ABCA12: variants seen among roughly 807,000 people sequenced by gnomAD.
ABCA12 encodes ATP binding cassette subfamily A member 12.
In ABCA12, 156 loss-of-function variants were observed where a neutral mutation model predicts 293.5. The ratio of observed to expected loss-of-function variants is 0.53; its 90% CI spans 0.47 to 0.61. The LOEUF (loss-of-function observed/expected upper bound fraction) is 0.61, where lower values mean the gene tolerates loss of function less well. Among genes scored for constraint, ABCA12 ranks in the 20% least tolerant of loss-of-function variants. The pLI, the probability that ABCA12 is intolerant of heterozygous loss-of-function variation, is 0.00. For missense variants in ABCA12, 2,797 were observed against 3,090.2 expected (o/e 0.91, Z 2.25); for synonymous variants, 1,063 against 1,108.0 (o/e 0.96, Z 0.81).
chr2:215,046,644 T>TA (rs947006202), intron 6 of ABCA12, among the ~76,000 whole-genome samples: 1 of 140,962 alleles, frequency 7.1e-6, no homozygotes, highest in Non-Finnish European at 1.5e-5. Context: ...CCAATTTTGT[T>TA]AAAAAAACAA....
rs1360742901 is a variant in ABCA12, at chr2:214,974,077, A to T, written c.5469-35T>A. 6 of 1,556,626 alleles carry T rather than the reference A, an allele frequency of 3.9e-6. No homozygotes were observed. In the East Asian group the frequency reaches 1.3e-4, roughly 35 times the overall value. ...AAAATGATATTGCTGTGAGGTGTGT[A>T]TGTATATGTGTTCTCATGTTTACAT... On this transcript the variant is annotated intron_variant, in intron 35 of 52. Transcript: ENST00000272895.
At chr2:215,084,334 T>C (rs1701999252) in intron 2 of ABCA12, among the ~76,000 whole-genome samples, 1 of 27,558 alleles carries the variant, frequency 3.6e-5, no homozygotes, top group African/African-American at 1.1e-4. Context: ...GACTGCATTA[T>C]TTCAGAACCA....
chr2:214,943,583 T>C (rs1242814116), intron 49 of ABCA12, among the ~76,000 whole-genome samples: 1 of 152,220 alleles, frequency 6.6e-6, no homozygotes, highest in Non-Finnish European at 1.5e-5. Flanking sequence ...CTCTCTCACC[T>C]GGAATACCCG....
At chr2:215,085,189 G>C (rs1702015883) in intron 2 of ABCA12, among the ~76,000 whole-genome samples, 1 of 151,750 alleles carries the variant, frequency 6.6e-6, no homozygotes, top group South Asian at 2.1e-4. Context: ...TGTGTAAGAA[G>C]CTTTTGCTAT....
chr2:214,963,436 C>A (rs545667222), intron 39 of ABCA12, among the ~76,000 whole-genome samples: 12 of 151,634 alleles, frequency 7.9e-5, no homozygotes, highest in Admixed American at 2.0e-4. Flanking sequence ...ACTTACCAAC[C>A]AAAAAGAGCC....
intron 40 of ABCA12, 118 bp downstream of exon 40, chr2:214,958,906 A>G: frequency 8.9e-7 from 1 of 1,123,236 alleles, no homozygotes; most frequent in Admixed American, 1.7e-5. Flanking sequence ...GTGACATATT[A>G]CCAGCCCTTC....
chr2:214,933,293 C>T (rs952675816), intron 52 of ABCA12, among the ~76,000 whole-genome samples: 1 of 152,164 alleles, frequency 6.6e-6, no homozygotes, highest in Non-Finnish European at 1.5e-5. Flanking sequence ...CATCCAAAAA[C>T]TATCGAGAGT....
intron 28 of ABCA12, among the ~76,000 whole-genome samples, chr2:214,984,077 G>A (rs1410052582): frequency 1.5e-5 from 2 of 134,714 alleles, no homozygotes; most frequent in African/African-American, 5.5e-5. Flanking sequence ...AAATGATGAT[G>A]ACAAAAACGA....
In ABCA12 at chr2:214,989,364, A is replaced by G. The variant is rs150667218; in HGVS notation, c.3794T>C (p.Phe1265Ser). 1 of 1,613,622 alleles carries G rather than the reference A, an allele frequency of 6.2e-7. No individual in the cohort carries two copies. Among genetic ancestry groups the G allele is most frequent in the African/African-American group, 1.3e-5 (1 of 74,892 alleles). Residue 1265 changes from phenylalanine (F) to serine (S), a missense_variant, in exon 26 of 53, where the codon TTC (phenylalanine) becomes TCC (serine). Phe to Ser is a radical substitution (Grantham distance 155). This residue lies in a region of ABCA12 where 2,130 missense variants were observed against 2,427.0 expected (regional missense o/e 0.88). Transcript: ENST00000272895. ...CLILADSFIY[F>S]LIAWYVRNVF... Reference sequence around the variant, plus strand: ...ATTCCTGACATACCAAGCAATAAGGAAATAAATGAAAGAGTCAGCTAGGAT... The same window carrying G: ...ATTCCTGACATACCAAGCAATAAGGGAATAAATGAAAGAGTCAGCTAGGAT...
rs149660639 is a variant in ABCA12, at chr2:214,937,609, T to A, written c.7443A>T (p.Gly2481=). 1 of 1,613,314 alleles carries A rather than the reference T, an allele frequency of 6.2e-7. No individual in the cohort carries two copies. The highest frequency in any genetic ancestry group is 8.5e-7 in the Non-Finnish European group (1 of 1,179,540). Reference sequence around the variant, plus strand: ...AGTGAACTTTGACAGTAAATCCTCGTCCAAACCTAGAAAGAAAAAGTGCAA... The same window carrying A: ...AGTGAACTTTGACAGTAAATCCTCGACCAAACCTAGAAAGAAAAAGTGCAA... ...GSLQHIKSRF[G]RGFTVKVHLK... Residue 2481 remains glycine (G), a synonymous_variant, in exon 51 of 53, where the codon GGA becomes GGT. Transcript: ENST00000272895.
intron 15 of ABCA12, 110 bp from the exon 16 acceptor site, chr2:215,012,245 T>G: frequency 1.0e-6 from 1 of 964,012 alleles, no homozygotes; most frequent in South Asian, 1.4e-5. Flanking sequence ...ATTTTTGAAG[T>G]TTATTAAATA....
chr2:215,108,790 C>T (rs1702511725), intron 2 of ABCA12, among the ~76,000 whole-genome samples: 1 of 152,110 alleles, frequency 6.6e-6, no homozygotes. Flanking sequence ...GGGGAAAAGG[C>T]CAGGTGCGGT....
chr2:214,955,810 G>C (rs1158646076), intron 42 of ABCA12, among the ~76,000 whole-genome samples: 3 of 151,926 alleles, frequency 2.0e-5, no homozygotes, highest in Non-Finnish European at 2.9e-5. Flanking sequence ...AATCCAAAGA[G>C]TTTTTTTTAA....
chr2:215,111,092 T>C (rs1702562588), intron 2 of ABCA12, among the ~76,000 whole-genome samples: 1 of 152,244 alleles, frequency 6.6e-6, no homozygotes, highest in Non-Finnish European at 1.5e-5. Context: ...TTACTAAATG[T>C]AACTGAAAGA....
intron 51 of ABCA12, 109 bp from the exon 52 acceptor site, chr2:214,934,324 GA>G: frequency 8.3e-7 from 1 of 1,204,534 alleles, no homozygotes. Context: ...TCATTCCACT[GA>G]AAATGATGCT....
At chr2:215,048,200 AC>A (rs1701241231) in intron 6 of ABCA12, among the ~76,000 whole-genome samples, 1 of 152,178 alleles carries the variant, frequency 6.6e-6, no homozygotes, top group South Asian at 2.1e-4. Context: ...AAAAGGGAAC[AC>A]TTAAACACTG....
intron 27 of ABCA12, among the ~76,000 whole-genome samples, chr2:214,987,351 G>C (rs760119774): frequency 6.6e-6 from 1 of 152,112 alleles, no homozygotes; most frequent in African/African-American, 2.4e-5. Flanking sequence ...TGGAGTTAGG[G>C]GTGTAGATTG....
At chr2:215,108,770 G>A (rs1213735691) in intron 2 of ABCA12, among the ~76,000 whole-genome samples, 7 of 152,042 alleles carry the variant, frequency 4.6e-5, no homozygotes, top group Non-Finnish European at 8.8e-5. Flanking sequence ...TTCTTTCTAC[G>A]ACAAAAGAGG....
chr2:214,982,415 T>C (rs763900883), intron 29 of ABCA12, 32 bp from the exon 30 acceptor site: 2 of 1,558,230 alleles, frequency 1.3e-6, no homozygotes, highest in South Asian at 1.1e-5. Context: ...GTTATTTTTT[T>C]ACAGATATAC....
Sources: gnomAD v4.1 joint callset for allele counts (sites outside exome capture counted in the v4.1 genomes callset) on GRCh38, gnomAD v4.1.1 for gene constraint, gnomAD v4.1.1 regional missense constraint, MANE v1.5 for transcripts, NCBI Gene and HGNC (gene_info 2026-07-23, HGNC 2026-07-21) for gene names.